CAMK4: variants seen among roughly 807,000 people sequenced by gnomAD.
CAMK4 encodes calcium/calmodulin-dependent protein kinase type IV.
A neutral mutation model predicts 44.9 loss-of-function variants in CAMK4; 22 were observed. The observed-to-expected ratio is 0.49, with a 90% CI of 0.35 to 0.70. The LOEUF is 0.70. CAMK4 is among the 30% of genes least tolerant of loss of function. The probability of loss-of-function intolerance (pLI) is 0.01; values close to 1 mark genes in which losing one functional copy is unlikely to be tolerated. For missense variants in CAMK4, 498 were observed against 586.8 expected, an observed-to-expected ratio of 0.85 and a Z score of 1.56; for synonymous variants, 218 against 215.4, an observed-to-expected ratio of 1.01 and a Z score of -0.11.
At chr5:111,346,926 C>T (rs1225202124) in intron 2 of CAMK4, among the ~76,000 whole-genome samples, 3 of 151,914 alleles carry the variant, frequency 2.0e-5, no homozygotes, top group Admixed American at 6.6e-5. Context: ...AGGCAACTCA[C>T]GCTTAAGACC....
At position 111,465,409 on chromosome 5, in the gene CAMK4, A is replaced by G. The variant is rs114155045; in HGVS notation, c.626-7902A>G. ...CAAAAAAATTACAAAAAATAAATGA[A>G]ACTAAAAGCTGGTTCTTTAAAATAA... On this transcript the variant is annotated intron_variant, in intron 7 of 10. Transcript: ENST00000282356. Among the ~76,000 whole-genome samples, 433 of 152,274 alleles carry G rather than the reference A, an allele frequency of 2.8e-3. 6 individuals are homozygous for G. The highest frequency in any genetic ancestry group is 9.9e-3 in the African/African-American group (411 of 41,556).
intron 1 of CAMK4, among the ~76,000 whole-genome samples, chr5:111,245,249 A>G (rs11241111): frequency 0.25 from 38,616 of 152,078 alleles, 4,944 homozygotes; most frequent in South Asian, 0.42. Context: ...CATTAAATAC[A>G]TATTCTTCTC....
chr5:111,312,009 A>G (rs1238044768), intron 1 of CAMK4, among the ~76,000 whole-genome samples: 1 of 152,234 alleles, frequency 6.6e-6, no homozygotes, highest in East Asian at 1.9e-4. Context: ...AAAATATGAG[A>G]TAGAGTTTCA....
chr5:111,394,825 C>A (rs948558787), intron 5 of CAMK4, 43 bp downstream of exon 5: 3 of 1,183,418 alleles, frequency 2.5e-6, no homozygotes, highest in African/African-American at 1.5e-5. Context: ...TTAGTCATCT[C>A]TTCCTTTTAC....
At chr5:111,355,248 A>G (rs1169951632) in intron 2 of CAMK4, among the ~76,000 whole-genome samples, 4 of 152,102 alleles carry the variant, frequency 2.6e-5, no homozygotes, top group Admixed American at 6.6e-5. Context: ...CATAGGGACT[A>G]TCAAACCAGG....
rs574996785 is a variant in CAMK4 at position 111,436,769 on chromosome 5, T to C, written c.460-9917T>C. On this transcript the variant is annotated intron_variant, in intron 5 of 10. Transcript: ENST00000282356. ...AGTCAACACATCAGTTTCGCTTTAA[T>C]ACACTGACCAGTACAATTTATGAAA... is the stretch of plus-strand genomic sequence containing the variant. Among the ~76,000 whole-genome samples, 17 of 152,324 alleles carry C rather than the reference T, an allele frequency of 1.1e-4. 1 individual carries two copies. In the South Asian group the frequency reaches 2.9e-3, roughly 26 times the overall value.
intron 6 of CAMK4, among the ~76,000 whole-genome samples, chr5:111,447,956 T>C (rs2112975095): frequency 6.6e-6 from 1 of 152,354 alleles, no homozygotes; most frequent in South Asian, 2.1e-4. Flanking sequence ...TTTCTTTAAA[T>C]GGATGGATAG....
At chr5:111,312,711 C>A (rs1748260032) in intron 1 of CAMK4, among the ~76,000 whole-genome samples, 1 of 152,060 alleles carries the variant, frequency 6.6e-6, no homozygotes. Flanking sequence ...TGGAACCATC[C>A]AAGAAACTCA....
At chr5:111,456,118 T>A (rs993718538) in intron 7 of CAMK4, among the ~76,000 whole-genome samples, 3 of 152,128 alleles carry the variant, frequency 2.0e-5, no homozygotes, top group Non-Finnish European at 4.4e-5. Context: ...CAAGAGTAAG[T>A]CCTAATATTC....
chr5:111,312,548 A>G (rs1292566303), intron 1 of CAMK4, among the ~76,000 whole-genome samples: 2 of 152,158 alleles, frequency 1.3e-5, no homozygotes, highest in Non-Finnish European at 2.9e-5. Context: ...GGATTCCAGC[A>G]GACTCAGTCA....
At chr5:111,225,415 T>A (rs2112482629) in intron 1 of CAMK4, among the ~76,000 whole-genome samples, 1 of 152,284 alleles carries the variant, frequency 6.6e-6, no homozygotes, top group East Asian at 1.9e-4. Context: ...TCCATATGCT[T>A]TCGTATTTGT....
chr5:111,415,613 C>T (rs1018058587), intron 5 of CAMK4, among the ~76,000 whole-genome samples: 1 of 152,146 alleles, frequency 6.6e-6, no homozygotes, highest in Admixed American at 6.5e-5. Context: ...TCCATGGTTT[C>T]AGGCATCTAC....
Position 111,253,286 on chromosome 5 carries a change from A to T in CAMK4, c.161+28642A>T, listed in dbSNP as rs1262687084. Among the ~76,000 whole-genome samples, 3 of 152,142 alleles carry T rather than the reference A, an allele frequency of 2.0e-5. No homozygotes were observed. In the East Asian group the frequency reaches 5.8e-4, roughly 29 times the overall value. The stretch of plus-strand genomic sequence containing the variant: ...GACCTTCGGGTTCTGGCAGCTGCCC[A>T]TGGAGAAGACTCAGAGCTGTGTGCT... On this transcript the variant is annotated intron_variant, in intron 1 of 10. Transcript: ENST00000282356.
At position 111,446,699 on chromosome 5, in the gene CAMK4, A is replaced by T. The variant is rs913969260; in HGVS notation, c.473A>T (p.Asn158Ile). 6.3e-7 allele frequency: 1 copy of T among 1,575,186 alleles called. No homozygotes were observed. Residue 158 changes from asparagine (N) to isoleucine (I), a missense_variant, in exon 6 of 11, where the codon AAT becomes ATT. Physicochemically the swap from Asn to Ile is moderately radical, Grantham distance 149. Coordinates refer to ENST00000282356, the MANE Select transcript of CAMK4 (RefSeq NM_001744.6). ...ILEAVAYLHE[N>I]GIVHRDLKPE... ...TTCCCTCTTTAGTATCTACATGAAA[A>T]TGGGATTGTCCATCGTGATCTCAAA...
Position 111,344,006 on chromosome 5 carries a change from G to T in CAMK4, c.162-18G>T. ...GTCCAAAGCATAACATTTTCTTTTT[G>T]TCTTTTTCCCCCTCAAGGGGTGCTA... On this transcript the variant is annotated intron_variant, in intron 1 of 10. Coordinates refer to ENST00000282356, the MANE Select transcript of CAMK4 (RefSeq NM_001744.6). The T allele has an allele frequency of 6.7e-7, 1 of 1,503,354 alleles. No homozygotes were observed. Among genetic ancestry groups the T allele is most frequent in the Non-Finnish European group, 9.2e-7 (1 of 1,090,090 alleles). 93.1% of individuals were successfully genotyped at this position (1,503,354 alleles called of 1,614,324 possible).
chr5:111,480,525 A>G (rs1426538086), intron 9 of CAMK4, among the ~76,000 whole-genome samples: 2 of 152,164 alleles, frequency 1.3e-5, no homozygotes, highest in African/African-American at 4.8e-5. Context: ...CCTTAGAACC[A>G]CATAGGCATA....
At chr5:111,240,897 G>T (rs556516454) in intron 1 of CAMK4, among the ~76,000 whole-genome samples, 187 of 152,280 alleles carry the variant, frequency 1.2e-3, no homozygotes, top group Non-Finnish European at 1.8e-3. Context: ...CAGTGGCAAC[G>T]ATGGTGGTAC....
intron 7 of CAMK4, among the ~76,000 whole-genome samples, chr5:111,460,271 CTT>C (rs369690377): frequency 4.6e-5 from 6 of 131,572 alleles, no homozygotes; most frequent in East Asian, 2.2e-4. Flanking sequence ...TTTTCTTTTT[CTT>C]TTTTTTTTTT....
intron 1 of CAMK4, among the ~76,000 whole-genome samples, chr5:111,248,937 T>C (rs150880730): frequency 3.2e-3 from 472 of 148,004 alleles, no homozygotes; most frequent in Admixed American, 5.0e-3. Context: ...TGTTAAATCC[T>C]CTGAGCTACT....
Sources: gnomAD v4.1 joint callset for allele counts (sites outside exome capture counted in the v4.1 genomes callset) on GRCh38, gnomAD v4.1.1 for gene constraint, MANE v1.5 for transcripts, NCBI Gene and HGNC (gene_info 2026-07-23, HGNC 2026-07-21) for gene names.